The following MOV10 variants were observed in gnomAD, a reference collection of about 807,000 sequenced individuals.
MOV10 encodes the protein RNA helicase MOV-10.
A neutral mutation model predicts 108.4 loss-of-function variants in MOV10; 39 were observed. That is an observed-to-expected ratio of 0.36 (90% CI 0.28 to 0.47). MOV10 has a LOEUF of 0.47. Among genes scored for constraint, MOV10 ranks in the 20% least tolerant of loss-of-function variants. The pLI, the probability that MOV10 is intolerant of heterozygous loss-of-function variation, is 1.00. For missense variants in MOV10, 952 were observed against 1,297.6 expected (o/e 0.73, Z 4.09); for synonymous variants, 490 against 523.1 (o/e 0.94, Z 0.86).
chr1:112,684,117 A>AT lies in MOV10; in HGVS notation c.138-4807dup, dbSNP rs771705027. On this transcript the variant is annotated intron_variant, in intron 2 of 20. Coordinates refer to ENST00000369645, the MANE Select transcript of MOV10 (RefSeq NM_001321324.2). ...AGGGGTGTGCCACCACACCTGACTA[A>AT]TTTTTTTTTTTAATTCTTTGTAGAG... is the stretch of plus-strand genomic sequence containing the variant. Among the ~76,000 whole-genome samples the AT allele has an allele frequency of 1.6e-3, 229 of 145,794 alleles. 1 individual carries two copies. Among genetic ancestry groups the AT allele is most frequent in the African/African-American group, 4.6e-3 (184 of 39,726 alleles).
At chr1:112,678,332 T>G (rs1476580980) in intron 2 of MOV10, among the ~76,000 whole-genome samples, 1 of 152,138 alleles carries the variant, frequency 6.6e-6, no homozygotes, top group Non-Finnish European at 1.5e-5. Flanking sequence ...ATTCTTGCTT[T>G]GGACAGGAGA....
intron 2 of MOV10, among the ~76,000 whole-genome samples, chr1:112,680,691 A>C (rs892698467): frequency 4.7e-4 from 58 of 124,000 alleles, no homozygotes; most frequent in Middle Eastern, 4.4e-3. Flanking sequence ...TTTGGTGATC[A>C]CCTTTTCATT....
intron 7 of MOV10, 118 bp from the exon 8 acceptor site, chr1:112,693,900 G>A (rs1673821911): frequency 3.7e-6 from 3 of 814,182 alleles, no homozygotes; most frequent in South Asian, 3.2e-5. Flanking sequence ...AACTCCCTGA[G>A]TCTTAGGTTA....
Position 112,694,742 on chromosome 1 carries a change from C to G in MOV10, c.1473-7C>G. On this transcript the variant is annotated splice_polypyrimidine_tract_variant and splice_region_variant and intron_variant, in intron 9 of 20. Coordinates refer to ENST00000369645, the MANE Select transcript of MOV10 (RefSeq NM_001321324.2). The surrounding 1 kb of genome is among the most constrained non-coding windows in gnomAD (Gnocchi z 4.1). Reference sequence around the variant, plus strand: ...CTTCAAGTTCACATTCCTGGTCCCTCTGCCAGGCTGTACGACCGGAGTCTG... The same window carrying G: ...CTTCAAGTTCACATTCCTGGTCCCTGTGCCAGGCTGTACGACCGGAGTCTG... The G allele has an allele frequency of 6.2e-7, 1 of 1,613,688 alleles. No homozygotes were observed. Among genetic ancestry groups the G allele is most frequent in the Non-Finnish European group, 8.5e-7 (1 of 1,179,710 alleles).
intron 1 of MOV10, 46 bp downstream of exon 1, chr1:112,674,775 C>A: frequency 1.2e-6 from 1 of 806,852 alleles, no homozygotes; most frequent in Non-Finnish European, 1.9e-6. Flanking sequence ...AGAAGGGAGC[C>A]CGCAGGATCA....
At chr1:112,690,194 T>G in intron 5 of MOV10, 96 bp downstream of exon 5, 1 of 1,444,940 alleles carries the variant, frequency 6.9e-7, no homozygotes, top group South Asian at 1.4e-5. Context: ...GCCAGAGCCC[T>G]TTTCCTACAG....
At chr1:112,687,615 G>A (rs966040128) in intron 2 of MOV10, among the ~76,000 whole-genome samples, 1 of 152,130 alleles carries the variant, frequency 6.6e-6, no homozygotes, top group Non-Finnish European at 1.5e-5. Flanking sequence ...CCATGATCTG[G>A]TCCCTGCCCA....
At chr1:112,687,123 CCTACTACTACTG>C (rs1411277880) in intron 2 of MOV10, 1 of 437,576 alleles carries the variant, frequency 2.3e-6, no homozygotes, top group African/African-American at 2.0e-5. Flanking sequence ...TGTTACTACT[CCTACTACTACTG>C]CTACTATTAG....
Position 112,694,587 on chromosome 1 carries a change from C to T in MOV10, c.1430C>T (p.Ala477Val). ...WLLWPMLFPVAPRDVPLLPSD... is the reference protein window; with the variant it reads ...WLLWPMLFPVVPRDVPLLPSD... ...CTGTGGCCCATGCTCTTTCCTGTGG[C>T]ACCTCGGGACGTCCCGCTGCTGCCC... Residue 477 changes from alanine (A) to valine (V), a missense_variant, in exon 9 of 21, where the codon GCA (alanine) becomes GTA (valine). This residue lies in a region of MOV10 where 453 missense variants were observed against 611.5 expected (regional missense o/e 0.74). Transcript: ENST00000369645. This position sits in a 1 kb window ranked among gnomAD's most constrained non-coding sequence, Gnocchi z 4.1. The T allele has an allele frequency of 6.2e-7, 1 of 1,611,854 alleles. No individual in the cohort carries two copies.
intron 2 of MOV10, among the ~76,000 whole-genome samples, chr1:112,677,769 T>C (rs1672307166): frequency 6.6e-6 from 1 of 152,094 alleles, no homozygotes; most frequent in Non-Finnish European, 1.5e-5. Flanking sequence ...ATGGGCCATA[T>C]AGCGGGGGGT....
chr1:112,689,928 G>A lies in MOV10; in HGVS notation c.666G>A (p.Gly222=), dbSNP rs1557760745. 8 of 1,614,182 alleles carry A rather than the reference G, an allele frequency of 5.0e-6. No homozygotes were observed. Among genetic ancestry groups the A allele is most frequent in the Non-Finnish European group, 6.8e-6 (8 of 1,180,044 alleles). ...ATVLWELLGP[G]ESGSEGAGTF... is the part of the protein sequence containing the mutation. Reference sequence around the variant, plus strand: ...TGCTCTGGGAGCTGCTGGGACCTGGGGAGTCGGGTTCAGAAGGAGCCGGCA... The same window carrying A: ...TGCTCTGGGAGCTGCTGGGACCTGGAGAGTCGGGTTCAGAAGGAGCCGGCA... Residue 222 remains glycine, a synonymous_variant, in exon 5 of 21, where the codon GGG becomes GGA. Coordinates refer to ENST00000369645, the MANE Select transcript of MOV10 (RefSeq NM_001321324.2).
rs1360599518 is a variant in MOV10 at position 112,679,412 on chromosome 1, G to A, written c.137+4363G>A. Among the ~76,000 whole-genome samples the A allele has an allele frequency of 2.6e-5, 4 of 152,240 alleles. No homozygotes were observed. In the East Asian group the frequency reaches 7.7e-4, roughly 29 times the overall value. ...CAAAGGGTTGTTTTGAGGATTGAATGAGATAATGCATTCAGGAAACGTTTT... is the reference window on the plus strand; with the variant it reads ...CAAAGGGTTGTTTTGAGGATTGAATAAGATAATGCATTCAGGAAACGTTTT... On this transcript the variant is annotated intron_variant, in intron 2 of 20. Coordinates refer to ENST00000369645, the MANE Select transcript of MOV10 (RefSeq NM_001321324.2).
At chr1:112,691,538 A>C in intron 5 of MOV10, 127 bp from the exon 6 acceptor site, 1 of 1,177,582 alleles carries the variant, frequency 8.5e-7, no homozygotes, top group Non-Finnish European at 1.2e-6. Context: ...CCACCCTTGG[A>C]GCGAGGCTGC....
intron 2 of MOV10, chr1:112,688,683 A>G: frequency 7.2e-7 from 1 of 1,380,172 alleles, no homozygotes. Context: ...TCCCCTCAGA[A>G]ACGAACAATC....
At chr1:112,683,743 G>C (rs1458060598) in intron 2 of MOV10, among the ~76,000 whole-genome samples, 1 of 152,094 alleles carries the variant, frequency 6.6e-6, no homozygotes, top group Non-Finnish European at 1.5e-5. Context: ...AATATCCCAC[G>C]GTATGAGTGC....
In MOV10 at chr1:112,695,518, A is replaced by G. The variant is rs199885350; in HGVS notation, c.1723A>G (p.Ile575Val). The G allele has an allele frequency of 6.2e-7, 1 of 1,614,128 alleles. No homozygotes were observed. The highest frequency in any genetic ancestry group is 8.5e-7 in the Non-Finnish European group (1 of 1,180,012). Residue 575 changes from isoleucine to valine, a missense_variant, in exon 11 of 21, where the codon ATC (isoleucine) becomes GTC (valine). Ile to Val is a conservative substitution (Grantham distance 29). This residue lies in a region of MOV10 where 453 missense variants were observed against 611.5 expected (regional missense o/e 0.74). Coordinates refer to ENST00000369645, the MANE Select transcript of MOV10 (RefSeq NM_001321324.2). ...GCTCCGGGTCCACCTTCCTAGCTCC[A>G]TCTACCGCCTCCTGGCCCCCAGCAG... ...QRLRVHLPSS[I>V]YRLLAPSRDI...
chr1:112,674,843 TC>T lies in MOV10; in HGVS notation c.-65-3del. On this transcript the variant is annotated splice_polypyrimidine_tract_variant and splice_region_variant and intron_variant, in intron 1 of 20. Coordinates refer to ENST00000369645, the MANE Select transcript of MOV10 (RefSeq NM_001321324.2). ...CACCCTCATCTCAGGGCCGCCAACT[TC>T]CAGCTGCAGCGGCGACTTTCAGTTT... The T allele has an allele frequency of 6.7e-7, 1 of 1,481,972 alleles. No homozygotes were observed. The highest frequency in any genetic ancestry group is 9.0e-7 in the Non-Finnish European group (1 of 1,115,076). 91.8% of individuals were successfully genotyped at this position (1,481,972 alleles called of 1,614,324 possible).
At chr1:112,684,664 C>A (rs1399331261) in intron 2 of MOV10, among the ~76,000 whole-genome samples, 1 of 152,166 alleles carries the variant, frequency 6.6e-6, no homozygotes, top group Non-Finnish European at 1.5e-5. Flanking sequence ...CTTCTACCAG[C>A]AATTTATGAG....
chr1:112,677,175 T>C (rs1380660728), intron 2 of MOV10, among the ~76,000 whole-genome samples: 2 of 152,114 alleles, frequency 1.3e-5, no homozygotes, highest in African/African-American at 4.8e-5. Flanking sequence ...TCTATGTGGG[T>C]TCATATTCTA....
Sources: gnomAD v4.1 joint callset for allele counts (sites outside exome capture counted in the v4.1 genomes callset) on GRCh38, gnomAD v4.1.1 for gene constraint, gnomAD v4.1.1 regional missense constraint, Gnocchi (gnomAD v3.1) non-coding constraint, MANE v1.5 for transcripts, NCBI Gene and HGNC (gene_info 2026-07-23, HGNC 2026-07-21) for gene names.